PCGF5: variants seen among roughly 807,000 people sequenced by gnomAD.
The protein encoded by PCGF5 is polycomb group RING finger protein 5.
In PCGF5, 9 loss-of-function variants were observed where a neutral mutation model predicts 44.3. That is an observed-to-expected ratio of 0.20 (90% CI 0.12 to 0.35). PCGF5 has a LOEUF of 0.35. Ranked by LOEUF, PCGF5 falls within the 10% of genes least tolerant of loss-of-function variation. PCGF5 has a pLI of 1.00. For synonymous variants in PCGF5, 95 were observed against 102.5 expected (o/e 0.93, Z 0.44); for missense variants, 146 against 305.3 (o/e 0.48, Z 3.89).
intron 6 of PCGF5, among the ~76,000 whole-genome samples, chr10:91,257,966 A>G (rs1328574438): frequency 6.6e-6 from 1 of 152,172 alleles, no homozygotes; most frequent in Non-Finnish European, 1.5e-5. Context: ...CTATTCAGTC[A>G]TAAACTGCAA....
At chr10:91,195,158 G>A (rs1844104222) in intron 1 of PCGF5, among the ~76,000 whole-genome samples, 1 of 152,068 alleles carries the variant, frequency 6.6e-6, no homozygotes, top group Admixed American at 6.6e-5. Flanking sequence ...ATTAGTAGAA[G>A]AGGGTCACAT....
chr10:91,187,731 A>C (rs548831089), intron 1 of PCGF5, among the ~76,000 whole-genome samples: 1 of 152,242 alleles, frequency 6.6e-6, no homozygotes, highest in African/African-American at 2.4e-5. Context: ...ACTTCTTACT[A>C]TCTGTGTGTA....
chr10:91,270,984 A>T (rs910663298), intron 8 of PCGF5, among the ~76,000 whole-genome samples: 1 of 151,984 alleles, frequency 6.6e-6, no homozygotes, highest in African/African-American at 2.4e-5. Context: ...AATCTACTCA[A>T]TAGTTTTAAA....
chr10:91,189,606 C>A (rs1004339233), intron 1 of PCGF5, among the ~76,000 whole-genome samples: 2 of 152,152 alleles, frequency 1.3e-5, no homozygotes, highest in Admixed American at 6.5e-5. Flanking sequence ...TCCATATATA[C>A]ATACATATCT....
intron 9 of PCGF5, among the ~76,000 whole-genome samples, chr10:91,278,050 A>G (rs145906357): frequency 0.015 from 2,219 of 152,204 alleles, 55 homozygotes; most frequent in African/African-American, 0.049. Flanking sequence ...TTTGAACTTG[A>G]CCTCTGCTGC....
At chr10:91,265,462 A>T (rs1589407857) in intron 8 of PCGF5, among the ~76,000 whole-genome samples, 1 of 152,148 alleles carries the variant, frequency 6.6e-6, no homozygotes, top group African/African-American at 2.4e-5. Flanking sequence ...TTATGATACA[A>T]TATGCCATAC....
intron 9 of PCGF5, among the ~76,000 whole-genome samples, chr10:91,275,527 G>A (rs557161810): frequency 3.3e-4 from 49 of 150,610 alleles, no homozygotes; most frequent in African/African-American, 1.1e-3. Context: ...TGCAGCCTCC[G>A]TCTCCCAGGT....
At chr10:91,250,935 C>T (rs1308790836) in intron 5 of PCGF5, among the ~76,000 whole-genome samples, 2 of 151,336 alleles carry the variant, frequency 1.3e-5, no homozygotes, top group Admixed American at 6.6e-5. Flanking sequence ...ATATATACAC[C>T]TATAAATAAT....
chr10:91,195,027 CTCT>C (rs1030610676), intron 1 of PCGF5, among the ~76,000 whole-genome samples: 12 of 151,910 alleles, frequency 7.9e-5, no homozygotes, highest in Admixed American at 1.3e-4. Context: ...TGTGTGAGTT[CTCT>C]TCTGATGACT....
chr10:91,159,959 C>T (rs896545987), upstream of PCGF5, among the ~76,000 whole-genome samples: 1 of 152,190 alleles, frequency 6.6e-6, no homozygotes, highest in Non-Finnish European at 1.5e-5. Context: ...TGGCTTTAAA[C>T]ACTATGATTC....
intron 1 of PCGF5, among the ~76,000 whole-genome samples, chr10:91,199,665 C>A (rs1408982048): frequency 6.6e-6 from 1 of 152,150 alleles, no homozygotes; most frequent in Non-Finnish European, 1.5e-5. Flanking sequence ...ACATTCAAGG[C>A]TAGTTTTAGT....
intron 7 of PCGF5, among the ~76,000 whole-genome samples, chr10:91,264,147 C>G (rs1589407004): frequency 6.6e-6 from 1 of 151,984 alleles, no homozygotes; most frequent in Admixed American, 6.6e-5. Context: ...GAGATTTGGA[C>G]TAAGAAAGGT....
At chr10:91,206,887 C>T (rs533008131) in intron 1 of PCGF5, among the ~76,000 whole-genome samples, 1 of 152,210 alleles carries the variant, frequency 6.6e-6, no homozygotes, top group Non-Finnish European at 1.5e-5. Flanking sequence ...AAATCCTTCT[C>T]TCACCTCCCT....
At chr10:91,221,288 G>C (rs964547514) in intron 1 of PCGF5, among the ~76,000 whole-genome samples, 1 of 152,166 alleles carries the variant, frequency 6.6e-6, no homozygotes, top group Admixed American at 6.5e-5. Context: ...CCCCAGGTCG[G>C]GACCGTGCAT....
intron 6 of PCGF5, among the ~76,000 whole-genome samples, chr10:91,255,272 A>C (rs1052938993): frequency 6.6e-6 from 1 of 152,134 alleles, no homozygotes; most frequent in Non-Finnish European, 1.5e-5. Flanking sequence ...ACAAGAGACT[A>C]ACCAAAAAGC....
chr10:91,280,657 G>A lies in PCGF5; in HGVS notation c.*2341G>A, dbSNP rs1423848835. ...ATATGGTATTACTACTAGAATCACAGATTTCTTCAACTGACTTATTTTGGT... is the reference window on the plus strand; with the variant it reads ...ATATGGTATTACTACTAGAATCACAAATTTCTTCAACTGACTTATTTTGGT... On this transcript the variant is annotated 3_prime_UTR_variant, in exon 10 of 10. Coordinates refer to ENST00000336126, the MANE Select transcript of PCGF5 (RefSeq NM_032373.5). The A allele has an allele frequency of 6.6e-6, 1 of 152,408 alleles. No individual in the cohort carries two copies. The highest frequency in any genetic ancestry group is 1.5e-5 in the Non-Finnish European group (1 of 67,872). The allele number at this position is 152,408 out of a possible 1,614,324, so 9.4% of individuals were successfully genotyped here. A position where few individuals can be genotyped will look rare whatever the true frequency, so the allele number is the denominator to read the frequency against.
chr10:91,252,567 T>C (rs1845647263), intron 6 of PCGF5, among the ~76,000 whole-genome samples: 2 of 152,048 alleles, frequency 1.3e-5, no homozygotes, highest in South Asian at 2.1e-4. Flanking sequence ...GGGGAATTTA[T>C]TGGACAGGGC....
At chr10:91,211,541 C>A (rs989200070) in intron 1 of PCGF5, among the ~76,000 whole-genome samples, 2 of 152,192 alleles carry the variant, frequency 1.3e-5, no homozygotes, top group Non-Finnish European at 1.5e-5. Context: ...TGTGAAACGT[C>A]AGTACTGACC....
At chr10:91,273,373 G>A (rs754834188) in intron 9 of PCGF5, among the ~76,000 whole-genome samples, 2 of 152,162 alleles carry the variant, frequency 1.3e-5, no homozygotes, top group Non-Finnish European at 2.9e-5. Context: ...TCTTGGTGTT[G>A]ATGCCTATGT....
Sources: allele counts gnomAD v4.1 joint callset (sites outside exome capture counted in the v4.1 genomes callset), GRCh38; gene constraint gnomAD v4.1.1; transcripts MANE v1.5; gene names NCBI Gene and HGNC (gene_info 2026-07-23, HGNC 2026-07-21).